The following PDE1C variants were observed in gnomAD, a reference collection of about 807,000 sequenced individuals.
The protein encoded by PDE1C is phosphodiesterase 1C.
Under a neutral mutation model 93.1 loss-of-function variants are expected in PDE1C, and 62 were observed. The observed-to-expected ratio is 0.67, with a 90% CI of 0.54 to 0.82. PDE1C has a LOEUF of 0.82. Ranked by LOEUF, PDE1C falls within the 40% of genes least tolerant of loss-of-function variation. PDE1C has a pLI of 0.00. For synonymous variants in PDE1C, 325 were observed against 310.1 expected, an observed-to-expected ratio of 1.05 and a Z score of -0.50; for missense variants, 742 against 884.6, an observed-to-expected ratio of 0.84 and a Z score of 2.04.
upstream of PDE1C, among the ~76,000 whole-genome samples, chr7:32,075,878 G>A (rs1189658795): frequency 6.6e-6 from 1 of 152,140 alleles, no homozygotes; most frequent in Admixed American, 6.5e-5. Context: ...ACAGGCAAAG[G>A]AAAGGACTTG....
chr7:32,164,688 C>A (rs1802117488), intron 3 of PDE1C, among the ~76,000 whole-genome samples: 1 of 152,208 alleles, frequency 6.6e-6, no homozygotes, highest in Non-Finnish European at 1.5e-5. Flanking sequence ...CGGCACATAG[C>A]AGATGCTCAA....
chr7:31,885,160 G>T (rs952893481), intron 2 of PDE1C, among the ~76,000 whole-genome samples: 1 of 152,028 alleles, frequency 6.6e-6, no homozygotes, highest in African/African-American at 2.4e-5. Flanking sequence ...CACCTAAGGG[G>T]AATTTATTTC....
intron 2 of PDE1C, among the ~76,000 whole-genome samples, chr7:31,976,193 T>C (rs1280784263): frequency 6.6e-6 from 1 of 152,204 alleles, no homozygotes; most frequent in Non-Finnish European, 1.5e-5. Context: ...ACGGCATGCT[T>C]CCATAATAGA....
intron 1 of PDE1C, among the ~76,000 whole-genome samples, chr7:32,267,392 C>T (rs745764873): frequency 1.3e-5 from 2 of 151,882 alleles, no homozygotes; most frequent in Admixed American, 6.6e-5. Flanking sequence ...GGAATGGGAA[C>T]AGTCAGAACA....
rs180752171 is a variant in PDE1C at position 32,183,307 on chromosome 7, C to G, written c.137-13351G>C. On this transcript the variant is annotated intron_variant, in intron 2 of 18. Transcript: ENST00000396193. ...CAGAATTGGAAAAAACTACTTTAAA[C>G]TTCAGGTGGAACCAAAAAAGAGCCC... Among the ~76,000 whole-genome samples the G allele has an allele frequency of 7.0e-4, 107 of 152,038 alleles. 5 individuals are homozygous for G. In the East Asian group the frequency reaches 0.018, roughly 25 times the overall value.
At chr7:32,359,819 C>G (rs1784101185) in intron 1 of PDE1C, among the ~76,000 whole-genome samples, 1 of 152,160 alleles carries the variant, frequency 6.6e-6, no homozygotes, top group African/African-American at 2.4e-5. Context: ...TCATGCAGTT[C>G]CTCCACCTGA....
At chr7:32,328,803 G>C (rs989920246) in intron 1 of PDE1C, among the ~76,000 whole-genome samples, 1 of 152,148 alleles carries the variant, frequency 6.6e-6, no homozygotes, top group Non-Finnish European at 1.5e-5. Context: ...TTCTTTATTC[G>C]CTTGTTCATG....
chr7:31,631,621 G>T, the PDE1C span, among the ~76,000 whole-genome samples: 24 of 152,214 alleles, frequency 1.6e-4, no homozygotes, highest in African/African-American at 5.5e-4. Flanking sequence ...ATGAAGGAAG[G>T]TTATTTTGAC....
chr7:32,317,923 C>A (rs1160743815), intron 1 of PDE1C, among the ~76,000 whole-genome samples: 1 of 152,166 alleles, frequency 6.6e-6, no homozygotes, highest in Non-Finnish European at 1.5e-5. Flanking sequence ...CATTTTAATG[C>A]ACTTTCATAC....
chr7:32,083,224 T>C (rs1584726685), intron 3 of PDE1C, among the ~76,000 whole-genome samples: 1 of 151,820 alleles, frequency 6.6e-6, no homozygotes, highest in East Asian at 1.9e-4. Context: ...CAGGAGCCAA[T>C]GCGATCAACT....
the PDE1C span, among the ~76,000 whole-genome samples, chr7:31,626,475 G>A: frequency 6.6e-6 from 1 of 152,094 alleles, no homozygotes. Flanking sequence ...ATTTCTGTTT[G>A]CATTTTACTA....
At chr7:32,398,470 C>A (rs150629455) in intron 1 of PDE1C, among the ~76,000 whole-genome samples, 3,977 of 151,584 alleles carry the variant, frequency 0.026, 110 homozygotes, top group African/African-American at 0.073. Flanking sequence ...CTGGCCACAA[C>A]CTCCACTACC....
At chr7:31,644,058 C>T in the PDE1C span, 8 of 1,030,994 alleles carry the variant, frequency 7.8e-6, no homozygotes, top group Admixed American at 2.7e-5. Context: ...TCAGGGCAAA[C>T]TTTTCTATTT....
chr7:32,196,207 T>G lies in PDE1C; in HGVS notation c.136+13282A>C, dbSNP rs60559000. Among the ~76,000 whole-genome samples, 265 of 152,280 alleles carry G rather than the reference T, an allele frequency of 1.7e-3. 1 individual carries two copies. Among genetic ancestry groups the G allele is most frequent in the African/African-American group, 6.2e-3 (259 of 41,570 alleles). The stretch of plus-strand genomic sequence containing the variant: ...GTTGAGATACCTTGTTACAGCCTTG[T>G]GAGGGTGGACATCCAGGTTTCCCAG... On this transcript the variant is annotated intron_variant, in intron 2 of 18. Coordinates refer to the PDE1C transcript ENST00000396193.
intron 2 of PDE1C, among the ~76,000 whole-genome samples, chr7:32,009,270 G>C (rs1031964107): frequency 1.3e-5 from 2 of 152,128 alleles, no homozygotes; most frequent in African/African-American, 4.8e-5. Flanking sequence ...AACCCAGGTG[G>C]AGCCCAGTGA....
In PDE1C at chr7:32,268,319, G is replaced by A. The variant is rs140609383; in HGVS notation, c.85+30332C>T. Among the ~76,000 whole-genome samples the A allele has an allele frequency of 4.8e-4, 73 of 152,220 alleles. 1 individual carries two copies. The highest frequency in any genetic ancestry group is 1.6e-3 in the African/African-American group (66 of 41,516). ...GTTTAACTGCTGTGTTGGCCCCATC[G>A]CTTACTGACCCCTTGGCTGTGAGCA... On this transcript the variant is annotated intron_variant, in intron 1 of 18. Coordinates refer to the PDE1C transcript ENST00000396193.
At chr7:31,863,796 T>TA (rs1190992949) in intron 7 of PDE1C, among the ~76,000 whole-genome samples, 3 of 152,138 alleles carry the variant, frequency 2.0e-5, no homozygotes, top group Non-Finnish European at 2.9e-5. Flanking sequence ...TTCACCATTT[T>TA]AAAAAAATGA....
chr7:32,236,131 C>A (rs1808058685), intron 1 of PDE1C, among the ~76,000 whole-genome samples: 1 of 151,978 alleles, frequency 6.6e-6, no homozygotes, highest in South Asian at 2.1e-4. Flanking sequence ...ACATTATAAA[C>A]AAATCAATTC....
At chr7:31,749,061 G>A (rs954597841), downstream of PDE1C, among the ~76,000 whole-genome samples, 4 of 152,108 alleles carry the variant, frequency 2.6e-5, no homozygotes, top group African/African-American at 9.7e-5. Flanking sequence ...CTATCCTGCA[G>A]GGACAAGAAA....
Sources: allele counts gnomAD v4.1 joint callset (sites outside exome capture counted in the v4.1 genomes callset), GRCh38; gene constraint gnomAD v4.1.1; transcripts MANE v1.5; gene names NCBI Gene and HGNC (gene_info 2026-07-23, HGNC 2026-07-21).